FAT3: variants seen among roughly 807,000 people sequenced by gnomAD.
FAT3 encodes the protein protocadherin Fat 3.
In FAT3, 95 loss-of-function variants were observed where a neutral mutation model predicts 310.2. The observed-to-expected ratio is 0.31, with a 90% CI of 0.26 to 0.36. The LOEUF is 0.36. Among genes scored for constraint, FAT3 ranks in the 10% least tolerant of loss-of-function variants. The pLI, the probability that FAT3 is intolerant of heterozygous loss-of-function variation, is 1.00. For missense variants in FAT3, 5,408 were observed against 5,715.6 expected, an observed-to-expected ratio of 0.95 and a Z score of 1.74; for synonymous variants, 2,314 against 2,192.9, an observed-to-expected ratio of 1.06 and a Z score of -1.54.
chr11:92,412,693 GA>G (rs1431098681), intron 2 of FAT3, among the ~76,000 whole-genome samples: 1 of 57,718 alleles, frequency 1.7e-5, no homozygotes, highest in Non-Finnish European at 4.5e-5. Context: ...GTCCAACTAT[GA>G]TGGTGGTGAT....
chr11:92,352,908 A>G lies in FAT3; in HGVS notation c.796A>G (p.Ile266Val), dbSNP rs1565248640. ...GCGCATAAATGAACATGCCCCAACA[A>G]TCCATGTAGTCACTCATGTTCCTTT... is the stretch of plus-strand genomic sequence containing the variant. ...IERINEHAPT[I>V]HVVTHVPFSL... The change falls in exon 2 of 28, where the codon ATC becomes GTC. Residue 266 changes from isoleucine (I) to valine (V), a missense_variant. Ile to Val is a conservative substitution (Grantham distance 29). Transcript: ENST00000525166. 6.2e-7 allele frequency: 1 copy of G among 1,613,898 alleles called. No homozygotes were observed. Among genetic ancestry groups the G allele is most frequent in the Non-Finnish European group, 8.5e-7 (1 of 1,179,868 alleles).
intron 3 of FAT3, among the ~76,000 whole-genome samples, chr11:92,660,428 C>A (rs1337630101): frequency 6.6e-6 from 1 of 151,918 alleles, no homozygotes; most frequent in African/African-American, 2.4e-5. Flanking sequence ...GTAGGGGTGC[C>A]AGGGATCAGC....
At chr11:92,849,050 T>C (rs1436795195) in intron 19 of FAT3, among the ~76,000 whole-genome samples, 1 of 152,238 alleles carries the variant, frequency 6.6e-6, no homozygotes, top group Non-Finnish European at 1.5e-5. Context: ...CACATACATG[T>C]AATTGCATTT....
chr11:92,402,176 TA>T (rs1385997668), intron 2 of FAT3, among the ~76,000 whole-genome samples: 1 of 152,142 alleles, frequency 6.6e-6, no homozygotes, highest in Non-Finnish European at 1.5e-5. Context: ...AATTAAAAAT[TA>T]AAACCCACAA....
At chr11:92,618,104 G>T (rs999172324) in intron 3 of FAT3, among the ~76,000 whole-genome samples, 42 of 152,198 alleles carry the variant, frequency 2.8e-4, no homozygotes, top group African/African-American at 1.0e-3. Context: ...AAGCAGGCAG[G>T]CCTCCATGAG....
chr11:92,750,726 G>A (rs1206950502), intron 4 of FAT3, among the ~76,000 whole-genome samples: 2 of 152,236 alleles, frequency 1.3e-5, no homozygotes, highest in South Asian at 2.1e-4. Flanking sequence ...GTTAGCATGC[G>A]TGACTCCATT....
At chr11:92,277,727 G>T (rs1235273553) in intron 1 of FAT3, among the ~76,000 whole-genome samples, 1 of 152,080 alleles carries the variant, frequency 6.6e-6, no homozygotes, top group Non-Finnish European at 1.5e-5. Context: ...GAGGGCAAGG[G>T]TTGAAAAGCT....
intron 1 of FAT3, among the ~76,000 whole-genome samples, chr11:92,306,782 A>G (rs868232586): frequency 5.9e-4 from 79 of 133,356 alleles, no homozygotes; most frequent in African/African-American, 2.2e-3. Context: ...TTATATATAT[A>G]TAAATTATAT....
intron 3 of FAT3, among the ~76,000 whole-genome samples, chr11:92,539,091 T>C (rs1314014457): frequency 2.0e-5 from 3 of 152,186 alleles, no homozygotes; most frequent in African/African-American, 7.2e-5. Flanking sequence ...AAAGACATGC[T>C]TCATCTTGAC....
At chr11:92,647,073 G>A (rs1942194661) in intron 3 of FAT3, among the ~76,000 whole-genome samples, 1 of 152,014 alleles carries the variant, frequency 6.6e-6, no homozygotes, top group African/African-American at 2.4e-5. Flanking sequence ...TCAGACCCAA[G>A]ATTGAAACTG....
chr11:92,412,754 T>TATATATATATATATAG (rs1565296585), intron 2 of FAT3, among the ~76,000 whole-genome samples: 1 of 94,922 alleles, frequency 1.1e-5, no homozygotes, highest in Non-Finnish European at 2.2e-5. Flanking sequence ...TAAATATACA[T>TATATATATATATATAG]ACATATATAT....
rs553202642 is a variant in FAT3 at position 92,765,158 on chromosome 11, A to G, written c.4195+69A>G. The G allele has an allele frequency of 5.9e-6, 8 of 1,355,386 alleles. No homozygotes were observed. The Admixed American group carries it at 1.4e-4, about 24-fold the overall frequency. The allele number at this position is 1,355,386 out of a possible 1,614,324, so 84.0% of individuals were successfully genotyped here. On this transcript the variant is annotated intron_variant, in intron 6 of 27. Coordinates refer to ENST00000525166, the MANE Select transcript of FAT3 (RefSeq NM_001367949.2). ...TGACTGAAGCAACTAGGAAAAAAAA[A>G]AAAAAGAAAGAAAGCAAAAAACTAA...
chr11:92,658,922 TATCATC>T (rs71305391), intron 3 of FAT3, among the ~76,000 whole-genome samples: 50 of 149,820 alleles, frequency 3.3e-4, no homozygotes, highest in African/African-American at 4.4e-4. Context: ...TCATCGTCAT[TATCATC>T]ATCATCATCA....
chr11:92,291,602 A>G (rs1946698121), intron 1 of FAT3, among the ~76,000 whole-genome samples: 1 of 150,672 alleles, frequency 6.6e-6, no homozygotes, highest in Non-Finnish European at 1.5e-5. Flanking sequence ...GAGTTGGTCT[A>G]AATACACATT....
At chr11:92,515,357 A>C (rs551730759) in intron 2 of FAT3, among the ~76,000 whole-genome samples, 13 of 152,146 alleles carry the variant, frequency 8.5e-5, no homozygotes, top group Non-Finnish European at 1.9e-4. Context: ...TATATTCTAC[A>C]AAGATATACC....
chr11:92,310,755 A>G (rs1478308433), intron 1 of FAT3, among the ~76,000 whole-genome samples: 1 of 151,956 alleles, frequency 6.6e-6, no homozygotes, highest in Admixed American at 6.6e-5. Context: ...TAACCTTTTT[A>G]AAGTTTCCAC....
At chr11:92,264,094 G>A (rs1053968409) in intron 1 of FAT3, among the ~76,000 whole-genome samples, 8 of 152,148 alleles carry the variant, frequency 5.3e-5, no homozygotes, top group African/African-American at 1.2e-4. Context: ...GTCTCACATC[G>A]ACTCTATCTG....
chr11:92,838,986 C>T (rs1257365694), intron 17 of FAT3, among the ~76,000 whole-genome samples: 4 of 152,152 alleles, frequency 2.6e-5, no homozygotes, highest in Non-Finnish European at 5.9e-5. Context: ...CCCAGAGCTT[C>T]GCCCAGAGTC....
At position 92,741,964 on chromosome 11, in the gene FAT3, A is replaced by G. The variant is rs751661234; in HGVS notation, c.3670-19892A>G. On this transcript the variant is annotated intron_variant, in intron 4 of 27. Coordinates refer to ENST00000525166, the MANE Select transcript of FAT3 (RefSeq NM_001367949.2). ...ATGCTATTAGAAGTAGGAAAACAAA[A>G]CAGAATAATTTCTTCACCAATGCAA... Among the ~76,000 whole-genome samples the G allele has an allele frequency of 4.9e-4, 74 of 152,334 alleles. 1 individual carries two copies. The highest frequency in any genetic ancestry group is 9.0e-4 in the Non-Finnish European group (61 of 68,028).
Sources: allele counts gnomAD v4.1 joint callset (sites outside exome capture counted in the v4.1 genomes callset), GRCh38; gene constraint gnomAD v4.1.1; transcripts MANE v1.5; gene names NCBI Gene and HGNC (gene_info 2026-07-23, HGNC 2026-07-21).